The following OSBPL9 variants were observed in gnomAD, a reference collection of about 807,000 sequenced individuals.
OSBPL9 encodes oxysterol-binding protein-related protein 9.
In OSBPL9, 40 loss-of-function variants were observed where a neutral mutation model predicts 106.6. The ratio of observed to expected loss-of-function variants is 0.38; its 90% CI spans 0.29 to 0.49. OSBPL9 has a LOEUF of 0.49. Ranked by LOEUF, OSBPL9 falls within the 20% of genes least tolerant of loss-of-function variation. The pLI is 0.97. For missense variants in OSBPL9, 609 were observed against 887.2 expected, an observed-to-expected ratio of 0.69 and a Z score of 3.98; for synonymous variants, 269 against 295.4, an observed-to-expected ratio of 0.91 and a Z score of 0.92.
chr1:51,653,078 C>T (rs929075305), intron 2 of OSBPL9, among the ~76,000 whole-genome samples: 1 of 152,108 alleles, frequency 6.6e-6, no homozygotes, highest in Admixed American at 6.6e-5. Flanking sequence ...AAAATCCTGG[C>T]ACTGAGATAG....
the OSBPL9 span, among the ~76,000 whole-genome samples, chr1:51,571,706 C>T: frequency 1.3e-5 from 2 of 152,178 alleles, no homozygotes; most frequent in African/African-American, 2.4e-5. Flanking sequence ...ATGCTTACTT[C>T]CCCAAAGACC....
At chr1:51,531,624 C>T in the OSBPL9 span, among the ~76,000 whole-genome samples, 2 of 152,062 alleles carry the variant, frequency 1.3e-5, no homozygotes. Context: ...GAGAGAATAT[C>T]GGGAATTTGG....
At chr1:51,771,003 A>T (rs766058521) in intron 12 of OSBPL9, among the ~76,000 whole-genome samples, 16 of 152,144 alleles carry the variant, frequency 1.1e-4, no homozygotes, top group Non-Finnish European at 2.1e-4. Context: ...ATTGGTTGTA[A>T]GAAATATACC....
Position 51,756,679 on chromosome 1 carries a change from C to A in OSBPL9, c.582+321C>A, listed in dbSNP as rs149046833. On this transcript the variant is annotated intron_variant, in intron 9 of 23. Transcript: ENST00000428468. ...CAGTGCCACATTTCTTGTCTAATTT[C>A]TATTTTTCTCAGATGAAAGTGGGGG... 482 of 238,384 alleles carry A rather than the reference C, an allele frequency of 2.0e-3. 4 individuals carry two copies. Among genetic ancestry groups the A allele is most frequent in the African/African-American group, 0.01 (461 of 44,730 alleles). The allele number at this position is 238,384 out of a possible 1,614,324, so 14.8% of individuals were successfully genotyped here. A position where few individuals can be genotyped will look rare whatever the true frequency, so the allele number is the denominator to read the frequency against.
At chr1:51,537,417 C>T in the OSBPL9 span, among the ~76,000 whole-genome samples, 3 of 152,222 alleles carry the variant, frequency 2.0e-5, no homozygotes, top group African/African-American at 7.2e-5. Flanking sequence ...AAGAGCTACT[C>T]TTTAGTGGGG....
At chr1:51,742,662 G>A (rs1399084149) in intron 4 of OSBPL9, among the ~76,000 whole-genome samples, 3 of 152,130 alleles carry the variant, frequency 2.0e-5, no homozygotes, top group Non-Finnish European at 2.9e-5. Context: ...CCTGAGCTCA[G>A]GAGGTTGAGT....
intron 1 of OSBPL9, among the ~76,000 whole-genome samples, chr1:51,590,897 A>G (rs1645271836): frequency 6.6e-6 from 1 of 150,494 alleles, no homozygotes; most frequent in African/African-American, 2.4e-5. Context: ...CTACAGGCAC[A>G]TGCCACCATG....
intron 1 of OSBPL9, among the ~76,000 whole-genome samples, chr1:51,580,177 T>C (rs185938250): frequency 6.6e-6 from 1 of 152,212 alleles, no homozygotes; most frequent in Non-Finnish European, 1.5e-5. Flanking sequence ...TTCAAATATT[T>C]ATCAACTGTT....
chr1:51,708,485 T>C (rs1238144489), intron 3 of OSBPL9, among the ~76,000 whole-genome samples: 1 of 152,192 alleles, frequency 6.6e-6, no homozygotes, highest in Non-Finnish European at 1.5e-5. Flanking sequence ...CATCAGACTG[T>C]TTAAATCTTC....
chr1:51,687,966 C>A (rs1056998902), intron 3 of OSBPL9, among the ~76,000 whole-genome samples: 17 of 152,066 alleles, frequency 1.1e-4, no homozygotes, highest in African/African-American at 4.1e-4. Context: ...AAGGTTTGAA[C>A]CAAGGCAGTA....
chr1:51,529,861 A>G, the OSBPL9 span, among the ~76,000 whole-genome samples: 1 of 151,388 alleles, frequency 6.6e-6, no homozygotes, highest in African/African-American at 2.4e-5. Flanking sequence ...AGAATCTAAG[A>G]GTTGCTTAAG....
intron 3 of OSBPL9, among the ~76,000 whole-genome samples, chr1:51,711,529 T>C: frequency 8.4e-6 from 1 of 119,486 alleles, no homozygotes; most frequent in African/African-American, 3.4e-5. Flanking sequence ...CCCACCTCCC[T>C]CCCGGACGGG....
At chr1:51,636,337 CTTT>C (rs879261964) in intron 1 of OSBPL9, among the ~76,000 whole-genome samples, 1 of 139,292 alleles carries the variant, frequency 7.2e-6, no homozygotes, top group Admixed American at 7.3e-5. Context: ...CCACTTCATT[CTTT>C]TTTTTTTTTT....
the OSBPL9 span, among the ~76,000 whole-genome samples, chr1:51,541,998 C>T: frequency 6.6e-6 from 1 of 152,120 alleles, no homozygotes; most frequent in Admixed American, 6.5e-5. Context: ...AGCCATCCTC[C>T]CACCTCAGCC....
chr1:51,565,618 A>G, the OSBPL9 span: 1 of 152,214 alleles, frequency 6.6e-6, no homozygotes, highest in Non-Finnish European at 1.5e-5. Flanking sequence ...TGACTTTCAC[A>G]GCAGTTATAT....
At chr1:51,755,457 C>T (rs894212792) in intron 8 of OSBPL9, among the ~76,000 whole-genome samples, 4 of 152,202 alleles carry the variant, frequency 2.6e-5, no homozygotes, top group Admixed American at 6.5e-5. Context: ...TTCATGATGG[C>T]AGAAAAGTAA....
rs535355455 is a variant in OSBPL9 at position 51,655,582 on chromosome 1, C to T, written c.162+3541C>T. On this transcript the variant is annotated intron_variant, in intron 2 of 23. Transcript: ENST00000428468. ...ATGTAATGTAACATAATTACTCCTG[C>T]GATATCATATTCATGGTTTTCATCC... is the stretch of plus-strand genomic sequence containing the variant. Among the ~76,000 whole-genome samples, 5 of 152,248 alleles carry T rather than the reference C, an allele frequency of 3.3e-5. No homozygotes were observed. In the South Asian group the frequency reaches 8.3e-4, roughly 25 times the overall value.
At chr1:51,721,489 A>T (rs1662118675) in intron 4 of OSBPL9, among the ~76,000 whole-genome samples, 1 of 152,206 alleles carries the variant, frequency 6.6e-6, no homozygotes, top group East Asian at 1.9e-4. Context: ...AACATAACTT[A>T]ATTGTATTTA....
intron 6 of OSBPL9, among the ~76,000 whole-genome samples, chr1:51,747,708 G>A (rs1221371337): frequency 6.6e-6 from 1 of 152,014 alleles, no homozygotes; most frequent in Admixed American, 6.6e-5. Context: ...ACTTAGGAAA[G>A]ATAAATGTGA....
Sources: gnomAD v4.1 joint callset for allele counts (sites outside exome capture counted in the v4.1 genomes callset) on GRCh38, gnomAD v4.1.1 for gene constraint, MANE v1.5 for transcripts, NCBI Gene and HGNC (gene_info 2026-07-23, HGNC 2026-07-21) for gene names.